The following MOSMO variants were observed in gnomAD, a reference collection of about 807,000 sequenced individuals.
The protein encoded by MOSMO is modulator of smoothened, also known as modulator of smoothened protein.
A neutral mutation model predicts 18.4 loss-of-function variants in MOSMO; 5 were observed. The ratio of observed to expected loss-of-function variants is 0.27; its 90% confidence interval spans 0.14 to 0.57. The LOEUF is 0.57. MOSMO is among the 20% of genes least tolerant of loss of function. MOSMO has a pLI of 0.92. For missense variants in MOSMO, 138 were observed against 211.8 expected, an observed-to-expected ratio of 0.65 and a Z score of 2.16; for synonymous variants, 82 against 82.3, an observed-to-expected ratio of 1.00 and a Z score of 0.02.
In MOSMO at chr16:22,030,498, A is replaced by G. The variant is rs9935825; in HGVS notation, c.106+22091A>G. On this transcript the variant is annotated intron_variant, in intron 1 of 2. Transcript: ENST00000542527. ...ATGCATCAGTACTTTTCTCTTCACA[A>G]TTAAATATTTCCAGCAGTTTGGGAC... Among the ~76,000 whole-genome samples the G allele has an allele frequency of 9.2e-3, 1,404 of 152,296 alleles. 24 individuals are homozygous for G. Among genetic ancestry groups the G allele is most frequent in the African/African-American group, 0.032 (1,326 of 41,558 alleles).
At chr16:22,063,736 G>A (rs1004112202) in intron 1 of MOSMO, among the ~76,000 whole-genome samples, 1 of 152,172 alleles carries the variant, frequency 6.6e-6, no homozygotes, top group Non-Finnish European at 1.5e-5. Context: ...GAACTGACAA[G>A]AGGAACCCAA....
intron 1 of MOSMO, among the ~76,000 whole-genome samples, chr16:22,022,297 A>G (rs1899781007): frequency 6.6e-6 from 1 of 151,922 alleles, no homozygotes; most frequent in South Asian, 2.1e-4. Context: ...TGCTGGGATT[A>G]CAGGCATGAG....
intron 1 of MOSMO, among the ~76,000 whole-genome samples, chr16:22,050,628 G>A (rs1900403741): frequency 6.6e-6 from 1 of 152,136 alleles, no homozygotes; most frequent in South Asian, 2.1e-4. Flanking sequence ...GGTGGCTTAT[G>A]TCTTTAATCC....
intron 1 of MOSMO, among the ~76,000 whole-genome samples, chr16:22,024,388 C>T (rs1052048645): frequency 2.1e-4 from 31 of 148,598 alleles, no homozygotes; most frequent in Non-Finnish European, 3.1e-4. Flanking sequence ...TTTTTTGAGA[C>T]GGAGTCTTGT....
Position 22,081,171 on chromosome 16 carries a change from C to A in MOSMO, c.*291C>A, listed in dbSNP as rs1049905801. 1 of 172,426 alleles carries A rather than the reference C, an allele frequency of 5.8e-6. No homozygotes were observed. The highest frequency in any genetic ancestry group is 1.2e-5 in the Non-Finnish European group (1 of 80,504). The allele number at this position is 172,426 out of a possible 1,614,324, so 10.7% of individuals were successfully genotyped here. On this transcript the variant is annotated 3_prime_UTR_variant, in exon 3 of 3. Coordinates refer to ENST00000542527, the MANE Select transcript of MOSMO (RefSeq NM_001164579.2). ...GTCAGGTCTGCACTGTGATAGCAAC[C>A]TAGAGAAGGAGAATGCTTTATACCG...
chr16:22,008,566 G>A (rs968362887), intron 1 of MOSMO, among the ~76,000 whole-genome samples, 159 bp downstream of exon 1: 5 of 151,654 alleles, frequency 3.3e-5, no homozygotes, highest in Admixed American at 2.0e-4. Context: ...GGAGGAAAGG[G>A]ATGGAGGAGA....
intron 1 of MOSMO, among the ~76,000 whole-genome samples, chr16:22,071,387 G>T (rs571793937): frequency 6.6e-6 from 1 of 152,338 alleles, no homozygotes; most frequent in African/African-American, 2.4e-5. Flanking sequence ...CACATGATTT[G>T]CTCTGACAGA....
At chr16:22,060,126 G>C (rs188314669) in intron 1 of MOSMO, among the ~76,000 whole-genome samples, 1 of 152,280 alleles carries the variant, frequency 6.6e-6, no homozygotes, top group Non-Finnish European at 1.5e-5. Context: ...GCAGTGAGCC[G>C]AGATTGCGCC....
At chr16:22,034,744 G>GTTTTTT (rs890874059) in intron 1 of MOSMO, among the ~76,000 whole-genome samples, 4 of 55,468 alleles carry the variant, frequency 7.2e-5, no homozygotes, top group Non-Finnish European at 9.7e-5. Flanking sequence ...GTTTTTTTGG[G>GTTTTTT]TTTTTTTTTT....
At chr16:22,015,499 A>G (rs1462370422) in intron 1 of MOSMO, among the ~76,000 whole-genome samples, 2 of 152,192 alleles carry the variant, frequency 1.3e-5, no homozygotes, top group Non-Finnish European at 2.9e-5. Context: ...ATAAAAGTCT[A>G]TGAAGATAAA....
chr16:22,025,190 CA>C (rs1410361747), intron 1 of MOSMO, among the ~76,000 whole-genome samples: 1 of 151,840 alleles, frequency 6.6e-6, no homozygotes, highest in Non-Finnish European at 1.5e-5. Flanking sequence ...AGCTTACTAG[CA>C]GCATGATTTT....
chr16:22,016,775 T>C (rs1034706127), intron 1 of MOSMO, among the ~76,000 whole-genome samples: 1 of 152,226 alleles, frequency 6.6e-6, no homozygotes. Flanking sequence ...AATTATATCA[T>C]TCAGACCTGA....
intron 1 of MOSMO, among the ~76,000 whole-genome samples, chr16:22,015,296 G>A (rs1899615343): frequency 6.6e-6 from 1 of 151,670 alleles, no homozygotes; most frequent in South Asian, 2.1e-4. Flanking sequence ...TGTTTCCCAG[G>A]CTCAAACTCC....
intron 1 of MOSMO, among the ~76,000 whole-genome samples, chr16:22,072,239 T>C (rs989837729): frequency 2.0e-5 from 3 of 152,172 alleles, no homozygotes; most frequent in African/African-American, 7.2e-5. Flanking sequence ...TGGTGAAAGT[T>C]CGGGTACTAA....
At position 22,041,705 on chromosome 16, in the gene MOSMO, C is replaced by T. The variant is rs1015788511; in HGVS notation, c.106+33298C>T. On this transcript the variant is annotated intron_variant, in intron 1 of 2. Transcript: ENST00000542527. ...ATTTTTTTTTTTTATTTTGGAGACACGGCCTCACTTTGTTGCCCAGGCTGG... is the reference window on the plus strand; with the variant it reads ...ATTTTTTTTTTTTATTTTGGAGACATGGCCTCACTTTGTTGCCCAGGCTGG... Among the ~76,000 whole-genome samples the T allele has an allele frequency of 3.3e-5, 5 of 151,400 alleles. No homozygotes were observed. In the East Asian group the frequency reaches 5.8e-4, roughly 18 times the overall value.
chr16:22,018,643 G>C (rs1351943022), intron 1 of MOSMO, among the ~76,000 whole-genome samples: 3 of 152,166 alleles, frequency 2.0e-5, no homozygotes, highest in African/African-American at 7.2e-5. Flanking sequence ...AATAATCAGA[G>C]AGATTATGTT....
intron 1 of MOSMO, among the ~76,000 whole-genome samples, chr16:22,054,531 C>A (rs1297060039): frequency 6.6e-6 from 1 of 152,204 alleles, no homozygotes. Flanking sequence ...CCTTACCAAC[C>A]TTACCTCTCT....
At chr16:22,087,024 TATATA>T (rs1901195019), downstream of MOSMO, 1 of 152,222 alleles carries the variant, frequency 6.6e-6, no homozygotes, top group Admixed American at 6.5e-5. Flanking sequence ...AGTATTTGGC[TATATA>T]ATATATCAGT....
chr16:22,086,156 C>T (rs1380239143), downstream of MOSMO: 2 of 152,216 alleles, frequency 1.3e-5, no homozygotes, highest in Non-Finnish European at 2.9e-5. Context: ...AACTGGTCTC[C>T]ATTCACTCTG....
Sources: allele counts gnomAD v4.1 joint callset (sites outside exome capture counted in the v4.1 genomes callset), GRCh38; gene constraint gnomAD v4.1.1; transcripts MANE v1.5; gene names NCBI Gene and HGNC (gene_info 2026-07-23, HGNC 2026-07-21).